CCDC91: variants seen among roughly 807,000 people sequenced by gnomAD.
CCDC91 encodes coiled-coil domain-containing protein 91.
In CCDC91, 48 loss-of-function variants were observed where a neutral mutation model predicts 63.2. The observed-to-expected ratio is 0.76, with a 90% CI of 0.60 to 0.97. The LOEUF (loss-of-function observed/expected upper bound fraction) is 0.97, where lower values mean the gene tolerates loss of function less well. Among genes scored for constraint, CCDC91 ranks in the 50% least tolerant of loss-of-function variants. The pLI is 0.00. For missense variants in CCDC91, 500 were observed against 494.6 expected (o/e 1.01, Z -0.10); for synonymous variants, 167 against 165.8 (o/e 1.01, Z -0.06).
At chr12:28,194,950 G>T (rs1005618777) in intron 1 of CCDC91, among the ~76,000 whole-genome samples, 1 of 152,190 alleles carries the variant, frequency 6.6e-6, no homozygotes, top group Non-Finnish European at 1.5e-5. Flanking sequence ...AAGATAGTGC[G>T]GACCCAAAGA....
intron 6 of CCDC91, among the ~76,000 whole-genome samples, chr12:28,351,477 T>C (rs1943174475): frequency 6.6e-6 from 1 of 152,156 alleles, no homozygotes; most frequent in South Asian, 2.1e-4. Context: ...GTGACTCTAG[T>C]TTGATTATTG....
At chr12:28,512,350 T>C (rs1939466528) in intron 12 of CCDC91, among the ~76,000 whole-genome samples, 1 of 151,892 alleles carries the variant, frequency 6.6e-6, no homozygotes, top group African/African-American at 2.4e-5. Flanking sequence ...TGGAGTCTGA[T>C]TTAGGACAGA....
intron 6 of CCDC91, among the ~76,000 whole-genome samples, chr12:28,324,838 C>G (rs557166670): frequency 6.6e-6 from 1 of 151,922 alleles, no homozygotes; most frequent in East Asian, 1.9e-4. Context: ...TCCATCCCAT[C>G]TAGACCGTAA....
chr12:28,300,253 T>TA (rs958360216), intron 3 of CCDC91, among the ~76,000 whole-genome samples: 1 of 151,450 alleles, frequency 6.6e-6, no homozygotes, highest in Admixed American at 6.6e-5. Flanking sequence ...TATGATATGA[T>TA]ATAAGGGTTT....
At chr12:28,545,488 C>A (rs1359168848) in intron 12 of CCDC91, among the ~76,000 whole-genome samples, 1 of 152,086 alleles carries the variant, frequency 6.6e-6, no homozygotes, top group Non-Finnish European at 1.5e-5. Flanking sequence ...GAAGGACCCA[C>A]AAAAGTGGAA....
intron 10 of CCDC91, among the ~76,000 whole-genome samples, chr12:28,450,786 A>G (rs942532596): frequency 2.6e-5 from 4 of 151,802 alleles, no homozygotes; most frequent in Non-Finnish European, 5.9e-5. Flanking sequence ...TAAATCATGT[A>G]TTCATAGATA....
At chr12:28,495,413 G>A (rs1233257322) in intron 12 of CCDC91, among the ~76,000 whole-genome samples, 2 of 151,648 alleles carry the variant, frequency 1.3e-5, no homozygotes, top group Admixed American at 1.3e-4. Context: ...AGTACCCAAA[G>A]CTGATGTCCC....
chr12:28,431,932 G>A (rs565609794), intron 8 of CCDC91, among the ~76,000 whole-genome samples: 8 of 151,906 alleles, frequency 5.3e-5, no homozygotes, highest in Admixed American at 2.0e-4. Flanking sequence ...TCTTTTTACT[G>A]TCTCTATAGT....
intron 12 of CCDC91, among the ~76,000 whole-genome samples, chr12:28,522,976 G>A (rs1202696276): frequency 6.6e-6 from 1 of 152,152 alleles, no homozygotes; most frequent in Admixed American, 6.6e-5. Flanking sequence ...CATTTGCTGA[G>A]GAGTGCTTTA....
chr12:28,490,569 A>G (rs1951946364), intron 12 of CCDC91, among the ~76,000 whole-genome samples: 1 of 151,898 alleles, frequency 6.6e-6, no homozygotes, highest in East Asian at 1.9e-4. Context: ...TGTTTCAACT[A>G]GGTCACAAAT....
intron 1 of CCDC91, among the ~76,000 whole-genome samples, chr12:28,197,796 A>ATATCC (rs1323305451): frequency 6.6e-6 from 1 of 152,120 alleles, no homozygotes; most frequent in East Asian, 1.9e-4. Flanking sequence ...GTCCAAATTT[A>ATATCC]TATCCTCTTA....
intron 7 of CCDC91, among the ~76,000 whole-genome samples, chr12:28,369,309 C>T (rs1050027180): frequency 3.4e-4 from 51 of 152,168 alleles, no homozygotes; most frequent in African/African-American, 9.9e-4. Context: ...CTACAGGCCC[C>T]ATGTGAGTCT....
chr12:28,418,804 A>G (rs1947833850), intron 8 of CCDC91, among the ~76,000 whole-genome samples: 1 of 152,156 alleles, frequency 6.6e-6, no homozygotes, highest in African/African-American at 2.4e-5. Flanking sequence ...CCACATTTAG[A>G]TAAGCGTGAC....
intron 12 of CCDC91, among the ~76,000 whole-genome samples, chr12:28,516,069 A>G (rs1044543633): frequency 1.3e-5 from 2 of 152,020 alleles, no homozygotes; most frequent in African/African-American, 2.4e-5. Flanking sequence ...GAAGCATTTC[A>G]TGCTAAACAT....
At chr12:28,337,349 C>A (rs1281345060) in intron 6 of CCDC91, among the ~76,000 whole-genome samples, 2 of 152,058 alleles carry the variant, frequency 1.3e-5, no homozygotes, top group Non-Finnish European at 2.9e-5. Context: ...ACATAACAAA[C>A]CTGCCCCATT....
At chr12:28,532,699 A>G (rs1941841225) in intron 12 of CCDC91, among the ~76,000 whole-genome samples, 1 of 152,116 alleles carries the variant, frequency 6.6e-6, no homozygotes, top group Non-Finnish European at 1.5e-5. Flanking sequence ...AGGAAACTCC[A>G]TGTTTTATAA....
intron 12 of CCDC91, among the ~76,000 whole-genome samples, chr12:28,495,207 A>C (rs1204899834): frequency 6.6e-6 from 1 of 151,742 alleles, no homozygotes; most frequent in Non-Finnish European, 1.5e-5. Context: ...GTTTTCAAGG[A>C]TGGGCAATCT....
At chr12:28,236,968 T>C (rs1944989937) in intron 1 of CCDC91, 1 of 152,092 alleles carries the variant, frequency 6.6e-6, no homozygotes, top group Non-Finnish European at 1.5e-5. Context: ...CCCTTTAATC[T>C]GTTTTATTTG....
At chr12:28,259,846 TA>T (rs1478609894) in intron 3 of CCDC91, among the ~76,000 whole-genome samples, 27 of 151,846 alleles carry the variant, frequency 1.8e-4, no homozygotes, top group Admixed American at 4.6e-4. Flanking sequence ...TAAAATTACT[TA>T]AAAATATTGA....
Sources: gnomAD v4.1 joint callset for allele counts (sites outside exome capture counted in the v4.1 genomes callset) on GRCh38, gnomAD v4.1.1 for gene constraint, MANE v1.5 for transcripts, NCBI Gene and HGNC (gene_info 2026-07-23, HGNC 2026-07-21) for gene names.